Variants in PRRC2B observed in about 807,000 individuals in gnomAD.
The protein encoded by PRRC2B is proline rich coiled-coil 2B.
Under a neutral mutation model 242.3 loss-of-function variants are expected in PRRC2B, and 68 were observed. The observed-to-expected ratio is 0.28, with a 90% CI of 0.23 to 0.34. The LOEUF (loss-of-function observed/expected upper bound fraction) is 0.34. Among genes scored for constraint, PRRC2B ranks in the 10% least tolerant of loss-of-function variants. PRRC2B has a pLI of 1.00. For synonymous variants in PRRC2B, 1,228 were observed against 1,173.6 expected (o/e 1.05, Z -0.95); for missense variants, 2,835 against 2,954.8 (o/e 0.96, Z 0.94).
intron 1 of PRRC2B, among the ~76,000 whole-genome samples, chr9:131,376,097 C>A (rs1437755673): frequency 6.6e-6 from 1 of 150,664 alleles, no homozygotes; most frequent in East Asian, 1.9e-4. Flanking sequence ...GTCTGTAATC[C>A]CAGCACTTTG....
At chr9:131,432,521 A>T in intron 2 of PRRC2B, 96 bp from the exon 3 acceptor site, 1 of 1,210,312 alleles carries the variant, frequency 8.3e-7, no homozygotes, top group Non-Finnish European at 1.2e-6. Context: ...CTTTGTTATG[A>T]TCACTTAGAG....
chr9:131,422,014 C>A (rs1353324421), intron 1 of PRRC2B, among the ~76,000 whole-genome samples: 1 of 151,980 alleles, frequency 6.6e-6, no homozygotes, highest in Non-Finnish European at 1.5e-5. Context: ...AGCCTTGTGA[C>A]CTTGGGTGCG....
In PRRC2B at chr9:131,482,800, G is replaced by C. The variant is rs781675270; in HGVS notation, c.5266G>C (p.Gly1756Arg). 1.9e-6 allele frequency: 3 copies of C among 1,610,308 alleles called. No individual in the cohort carries two copies. Among genetic ancestry groups the C allele is most frequent in the East Asian group, 4.5e-5 (2 of 44,710 alleles). Reference sequence around the variant, plus strand: ...TCTGAAAAACAGAAAGGGCTCGGAGGGGGCCGAGCGGCTGCAAGGGGCTGT... The same window carrying C: ...TCTGAAAAACAGAAAGGGCTCGGAGCGGGCCGAGCGGCTGCAAGGGGCTGT... ...RSLKNRKGSEGAERLQGAVVP... is the reference protein window; with the variant it reads ...RSLKNRKGSERAERLQGAVVP... The change falls in exon 22 of 32, where the codon GGG becomes CGG. Residue 1756 changes from glycine (G) to arginine (R), a missense_variant. By Grantham distance (125) the Gly-to-Arg change is moderately radical. This residue lies in a region of PRRC2B where 574 missense variants were observed against 626.0 expected (regional missense o/e 0.92). Coordinates refer to ENST00000683519, the MANE Select transcript of PRRC2B (RefSeq NM_013318.4). The surrounding 1 kb of genome is among the most constrained non-coding windows in gnomAD (Gnocchi z 5.2).
Position 131,475,134 on chromosome 9 carries a change from C to G in PRRC2B, c.3005C>G (p.Thr1002Ser). ...TCTCTGGCCAACTCCTCCACCACCA[C>G]TTTGGAGGACAAAGGCCCTGGCCAT... The part of the protein sequence containing the change: ...DASLANSSTT[T>S]LEDKGPGHAT... The change falls in exon 16 of 32, where the codon ACT becomes AGT. Residue 1002 changes from threonine (T) to serine (S), a missense_variant. By Grantham distance (58) the Thr-to-Ser change is moderately conservative. Coordinates refer to ENST00000683519, the MANE Select transcript of PRRC2B (RefSeq NM_013318.4). 5.6e-6 allele frequency: 9 copies of G among 1,612,800 alleles called. No homozygotes were observed. The highest frequency in any genetic ancestry group is 7.6e-6 in the Non-Finnish European group (9 of 1,179,416).
At chr9:131,431,878 G>A (rs1008733345) in intron 2 of PRRC2B, among the ~76,000 whole-genome samples, 6 of 152,088 alleles carry the variant, frequency 3.9e-5, no homozygotes, top group Middle Eastern at 3.2e-3. Flanking sequence ...GAGCCACCGC[G>A]CCCGGCCATC....
At chr9:131,479,057 G>A (rs1289580072) in intron 18 of PRRC2B, among the ~76,000 whole-genome samples, 195 bp from the exon 19 acceptor site, 1 of 152,154 alleles carries the variant, frequency 6.6e-6, no homozygotes, top group Non-Finnish European at 1.5e-5. Context: ...CAGTCCGTTG[G>A]CCTTTCAGGT....
At chr9:131,374,417 GAAAA>G (rs966928600) in intron 1 of PRRC2B, among the ~76,000 whole-genome samples, 1 of 152,174 alleles carries the variant, frequency 6.6e-6, no homozygotes, top group African/African-American at 2.4e-5. Flanking sequence ...TCTAAAAAAA[GAAAA>G]AAGTCAGAAT....
Position 131,487,106 on chromosome 9 carries a change from G to A in PRRC2B, c.5857-61G>A. ...TGGAGAGGGGCAGGGGAGGTGGGAG[G>A]GGAAGAACCACCTGGATGGGCCTTG... On this transcript the variant is annotated intron_variant, in intron 26 of 31. Coordinates refer to ENST00000683519, the MANE Select transcript of PRRC2B (RefSeq NM_013318.4). The surrounding 1 kb of genome is among the most constrained non-coding windows in gnomAD (Gnocchi z 5.3). The A allele has an allele frequency of 3.2e-6, 5 of 1,547,066 alleles. No individual in the cohort carries two copies. The highest frequency in any genetic ancestry group is 1.8e-6 in the Non-Finnish European group (2 of 1,126,818).
chr9:131,459,630 C>T (rs934378036), intron 11 of PRRC2B, among the ~76,000 whole-genome samples: 6 of 151,876 alleles, frequency 4.0e-5, no homozygotes, highest in African/African-American at 1.5e-4. Flanking sequence ...TCCTTCACCT[C>T]CCACCCTCAA....
chr9:131,470,102 C>T (rs988690637), intron 13 of PRRC2B, among the ~76,000 whole-genome samples: 2 of 152,080 alleles, frequency 1.3e-5, no homozygotes, highest in African/African-American at 2.4e-5. Flanking sequence ...AGTGTGTTCC[C>T]GTGGCCTGAA....
At chr9:131,423,521 C>A (rs1364568813) in intron 1 of PRRC2B, among the ~76,000 whole-genome samples, 1 of 152,166 alleles carries the variant, frequency 6.6e-6, no homozygotes, top group Non-Finnish European at 1.5e-5. Flanking sequence ...GCCAGCCTCG[C>A]ACTCAGCCGG....
intron 19 of PRRC2B, among the ~76,000 whole-genome samples, chr9:131,481,006 T>TAA (rs34825859): frequency 6.8e-6 from 1 of 146,592 alleles, no homozygotes; most frequent in African/African-American, 2.5e-5. Flanking sequence ...CTCTATTGTT[T>TAA]AAAAAAAAAA....
chr9:131,456,204 T>G lies in PRRC2B; in HGVS notation c.1211+1038T>G, dbSNP rs544290655. On this transcript the variant is annotated intron_variant, in intron 10 of 31. Coordinates refer to ENST00000683519, the MANE Select transcript of PRRC2B (RefSeq NM_013318.4). ...CCTGAATTTATTTGACCATGTTAATTTTGTCTCTTTTTTTTTTTTTTTTTT... is the reference window on the plus strand; with the variant it reads ...CCTGAATTTATTTGACCATGTTAATGTTGTCTCTTTTTTTTTTTTTTTTTT... Among the ~76,000 whole-genome samples, 6 of 67,574 alleles carry G rather than the reference T, an allele frequency of 8.9e-5. No homozygotes were observed. The Admixed American group carries it at 1.1e-3, about 13-fold the overall frequency. 44.3% of individuals were successfully genotyped at this position (67,574 alleles called of 152,430 possible).
chr9:131,438,909 C>A, intron 4 of PRRC2B, 80 bp from the exon 5 acceptor site: 1 of 1,130,102 alleles, frequency 8.8e-7, no homozygotes, highest in South Asian at 1.3e-5. Flanking sequence ...GCTGGCCTCT[C>A]AGCACCTTGT....
At chr9:131,379,244 A>T (rs1275982724) in intron 1 of PRRC2B, among the ~76,000 whole-genome samples, 1 of 152,132 alleles carries the variant, frequency 6.6e-6, no homozygotes, top group Admixed American at 6.6e-5. Context: ...AATAATGATG[A>T]TATGAACATT....
At position 131,482,896 on chromosome 9, in the gene PRRC2B, G is replaced by T; in HGVS notation, c.5362G>T (p.Val1788Phe). The T allele has an allele frequency of 6.2e-7, 1 of 1,606,346 alleles. No homozygotes were observed. Among genetic ancestry groups the T allele is most frequent in the Non-Finnish European group, 8.5e-7 (1 of 1,176,254 alleles). Residue 1788 changes from valine (V) to phenylalanine (F), a missense_variant, in exon 22 of 32, where the codon GTC becomes TTC. Val to Phe is a conservative substitution (Grantham distance 50, BLOSUM62 -1). Coordinates refer to ENST00000683519, the MANE Select transcript of PRRC2B (RefSeq NM_013318.4). The surrounding 1 kb of genome is among the most constrained non-coding windows in gnomAD (Gnocchi z 5.2). The stretch of plus-strand genomic sequence containing the variant: ...GCCTGTGCCACCCATTGAATTTGGA[G>T]TCAGTCCAAAAGTGAGGCTTTGATT... The part of the protein sequence containing the change: ...VLPVPPIEFG[V>F]SPKDSDFSLP...
rs921687106 is a variant in PRRC2B at position 131,388,064 on chromosome 9, C to T, written c.-56+14333C>T. Among the ~76,000 whole-genome samples, 5 of 149,504 alleles carry T rather than the reference C, an allele frequency of 3.3e-5. No homozygotes were observed. The South Asian group carries it at 6.3e-4, about 19-fold the overall frequency. On this transcript the variant is annotated intron_variant, in intron 1 of 1. Transcript: ENST00000682525. ...AAAGTTAGCTGGGTGCGATGGCACA[C>T]GCTATGTAGGAGGCTGAGGCATGAG...
At chr9:131,385,475 C>G (rs1332280898) in intron 1 of PRRC2B, among the ~76,000 whole-genome samples, 1 of 150,390 alleles carries the variant, frequency 6.6e-6, no homozygotes, top group African/African-American at 2.4e-5. Context: ...CCTTGCTCTC[C>G]CCTGGAAAGG....
At position 131,485,152 on chromosome 9, in the gene PRRC2B, C is replaced by T. The variant is rs1236757397; in HGVS notation, c.5758+12C>T. 3.8e-6 allele frequency: 6 copies of T among 1,562,834 alleles called. No individual in the cohort carries two copies. The highest frequency in any genetic ancestry group is 1.7e-4 in the Middle Eastern group (1 of 5,976). ...TGCTTCTATGCCAGGTATCTCATCC[C>T]CTGAGCAAGGCCTTGGGGTCCTTCT... On this transcript the variant is annotated intron_variant, in intron 25 of 31. Transcript: ENST00000683519.
Sources: allele counts gnomAD v4.1 joint callset (sites outside exome capture counted in the v4.1 genomes callset), GRCh38; gene constraint gnomAD v4.1.1; regional missense constraint gnomAD v4.1.1; non-coding constraint Gnocchi (gnomAD v3.1); transcripts MANE v1.5; gene names NCBI Gene and HGNC (gene_info 2026-07-23, HGNC 2026-07-21).